Variants in DACH2 observed in about 807,000 individuals in gnomAD.
DACH2 encodes the protein dachshund family transcription factor 2, also known as dachshund homolog 2.
Under a neutral mutation model 35.8 loss-of-function variants are expected in DACH2, and 17 were observed. The observed-to-expected ratio is 0.48, with a 90% CI of 0.33 to 0.71. The LOEUF (loss-of-function observed/expected upper bound fraction) is 0.71, where lower values mean the gene tolerates loss of function less well. DACH2 is among the 30% of genes least tolerant of loss of function. DACH2 has a pLI of 0.02. For synonymous variants in DACH2, 195 were observed against 177.3 expected, an observed-to-expected ratio of 1.10 and a Z score of -0.79; for missense variants, 469 against 472.7, an observed-to-expected ratio of 0.99 and a Z score of 0.07.
chrX:86,595,516 T>TA (rs1206279812), intron 3 of DACH2, among the ~76,000 whole-genome samples: 2 of 111,201 alleles, frequency 1.8e-5, no homozygotes, highest in African/African-American at 3.3e-5. Flanking sequence ...TGATTTCTTG[T>TA]AAAAAAGCAA....
At position 86,625,562 on chromosome X, in the gene DACH2, A is replaced by C. The variant is rs918032740; in HGVS notation, c.641-25474A>C. Among the ~76,000 whole-genome samples, 6 of 110,775 alleles carry C rather than the reference A, an allele frequency of 5.4e-5. No homozygotes were observed. In the Admixed American group the frequency reaches 5.8e-4, roughly 11 times the overall value. ...CTTAGTGTTAGAGGCAATACCCTAA[A>C]CCCCACTGTATTAGTCTCTTCTGAT... On this transcript the variant is annotated intron_variant, in intron 3 of 11. Transcript: ENST00000373125.
At chrX:86,385,373 A>C (rs140833069) in intron 2 of DACH2, among the ~76,000 whole-genome samples, 7 of 111,611 alleles carry the variant, frequency 6.3e-5, no homozygotes, top group African/African-American at 2.3e-4. Flanking sequence ...TGGTGTATAC[A>C]TAGAGGCAGC....
chrX:86,778,211 C>T (rs1914369306), intron 7 of DACH2, among the ~76,000 whole-genome samples: 2 of 111,400 alleles, frequency 1.8e-5, no homozygotes, highest in Admixed American at 1.9e-4. Context: ...TGAGATCCCT[C>T]CATACTGTTT....
At chrX:86,730,202 A>G (rs2041517065) in intron 6 of DACH2, among the ~76,000 whole-genome samples, 1 of 111,316 alleles carries the variant, frequency 9.0e-6, no homozygotes, top group South Asian at 3.7e-4. Flanking sequence ...TTCTTTGAAT[A>G]ATAGGATTAT....
chrX:86,832,066 G>A (rs2042617741), intron 11 of DACH2, 40 bp from the exon 12 acceptor site: 11 of 968,488 alleles, frequency 1.1e-5, no homozygotes, highest in Non-Finnish European at 1.5e-5. Context: ...GTATCAGAAT[G>A]ACTCTTCATA....
intron 2 of DACH2, among the ~76,000 whole-genome samples, chrX:86,457,713 G>A (rs1315307142): frequency 8.9e-6 from 1 of 112,130 alleles, no homozygotes; most frequent in Non-Finnish European, 1.9e-5. Context: ...GGAGGAATGA[G>A]AATGAATTTG....
At chrX:86,662,963 T>G (rs910744549) in intron 4 of DACH2, among the ~76,000 whole-genome samples, 1 of 111,828 alleles carries the variant, frequency 8.9e-6, no homozygotes, top group Non-Finnish European at 1.9e-5. Flanking sequence ...GATAAAAGGA[T>G]AATGATTACA....
chrX:86,698,521 G>GTGTTTTT (rs2041096546), intron 5 of DACH2, among the ~76,000 whole-genome samples: 5 of 32,955 alleles, frequency 1.5e-4, no homozygotes, highest in Admixed American at 9.9e-4. Context: ...TTAGTTTTGT[G>GTGTTTTT]TTTTTTTTTT....
intron 2 of DACH2, among the ~76,000 whole-genome samples, chrX:86,464,610 A>G (rs1355658529): frequency 1.8e-5 from 2 of 111,375 alleles, no homozygotes; most frequent in African/African-American, 3.3e-5. Flanking sequence ...TAGGTGCAGC[A>G]AACCACCATG....
At chrX:86,467,632 C>T (rs2037694189) in intron 2 of DACH2, among the ~76,000 whole-genome samples, 1 of 111,325 alleles carries the variant, frequency 9.0e-6, no homozygotes, top group African/African-American at 3.3e-5. Flanking sequence ...AGCAGCACCC[C>T]ACTCTCTGGG....
At chrX:86,789,185 T>C (rs1191909511) in intron 7 of DACH2, among the ~76,000 whole-genome samples, 1 of 112,182 alleles carries the variant, frequency 8.9e-6, no homozygotes, top group African/African-American at 3.2e-5. Context: ...GGTTAAATTG[T>C]AGAGGCTTCT....
chrX:86,630,747 G>A (rs2040191409), intron 3 of DACH2, among the ~76,000 whole-genome samples: 1 of 109,314 alleles, frequency 9.1e-6, no homozygotes, highest in Non-Finnish European at 1.9e-5. Context: ...CTGGAGTGCA[G>A]TGGCGTGATC....
chrX:86,410,699 A>G (rs2036596604), intron 2 of DACH2, among the ~76,000 whole-genome samples: 1 of 110,556 alleles, frequency 9.0e-6, no homozygotes, highest in Non-Finnish European at 1.9e-5. Flanking sequence ...GTCACCTGAT[A>G]TTAGATTAAT....
chrX:86,685,969 T>G (rs1024048734), intron 4 of DACH2, among the ~76,000 whole-genome samples: 3 of 111,361 alleles, frequency 2.7e-5, no homozygotes, highest in African/African-American at 9.8e-5. Flanking sequence ...GATTATTTAC[T>G]GCGAAGTGAC....
At chrX:86,541,384 G>T (rs923346006) in intron 3 of DACH2, among the ~76,000 whole-genome samples, 1 of 110,347 alleles carries the variant, frequency 9.1e-6, no homozygotes, top group East Asian at 2.8e-4. Context: ...TTCCCCCCTT[G>T]TCTAGCACGG....
chrX:86,160,935 C>T, intron 1 of DACH2: 1 of 739,762 alleles, frequency 1.4e-6, no homozygotes, highest in Non-Finnish European at 2.1e-6. Context: ...GTCAGTTGGA[C>T]CAGATGGTGG....
At chrX:86,523,413 T>TA (rs60430255) in intron 3 of DACH2, among the ~76,000 whole-genome samples, 6 of 111,404 alleles carry the variant, frequency 5.4e-5, no homozygotes, top group Non-Finnish European at 1.1e-4. Flanking sequence ...ATTCTCAGTT[T>TA]AAAAAAAATA....
intron 1 of DACH2, among the ~76,000 whole-genome samples, chrX:86,228,935 T>C (rs1159574871): frequency 2.7e-5 from 3 of 112,069 alleles, no homozygotes; most frequent in African/African-American, 9.7e-5. Flanking sequence ...CTCTGTTGAC[T>C]GTTCCTTTTG....
intron 2 of DACH2, among the ~76,000 whole-genome samples, chrX:86,461,266 G>A (rs2037566962): frequency 1.8e-5 from 2 of 111,263 alleles, no homozygotes; most frequent in Non-Finnish European, 3.8e-5. Context: ...GCGCTTGTTA[G>A]CATATATTGA....
Sources: allele counts gnomAD v4.1 joint callset (sites outside exome capture counted in the v4.1 genomes callset), GRCh38; gene constraint gnomAD v4.1.1; transcripts MANE v1.5; gene names NCBI Gene and HGNC (gene_info 2026-07-23, HGNC 2026-07-21).